The following SORCS2 variants were observed in gnomAD, a reference collection of about 807,000 sequenced individuals.
SORCS2 encodes sortilin related VPS10 domain containing receptor 2, also known as VPS10 domain-containing receptor SorCS2.
A neutral mutation model predicts 141.6 loss-of-function variants in SORCS2; 100 were observed. The ratio of observed to expected loss-of-function variants is 0.71; its 90% CI spans 0.60 to 0.83. The LOEUF (loss-of-function observed/expected upper bound fraction) is 0.83. Ranked by LOEUF, SORCS2 falls within the 40% of genes least tolerant of loss-of-function variation. The probability of loss-of-function intolerance (pLI) is 0.00; values close to 1 mark genes in which losing one functional copy is unlikely to be tolerated. For synonymous variants in SORCS2, 789 were observed against 676.9 expected, an observed-to-expected ratio of 1.17 and a Z score of -2.57; for missense variants, 1,646 against 1,560.2, an observed-to-expected ratio of 1.05 and a Z score of -0.93.
intron 1 of SORCS2, among the ~76,000 whole-genome samples, chr4:7,264,142 C>A (rs930566973): frequency 2.0e-5 from 3 of 152,152 alleles, no homozygotes; most frequent in African/African-American, 7.2e-5. Context: ...GTGGAGACTG[C>A]GGGACTCAGA....
intron 26 of SORCS2, among the ~76,000 whole-genome samples, chr4:7,738,588 A>C (rs1462343703): frequency 1.3e-5 from 2 of 152,020 alleles, no homozygotes; most frequent in Non-Finnish European, 2.9e-5. Context: ...TGGAGCAGAG[A>C]ACGGCACACA....
intron 3 of SORCS2, among the ~76,000 whole-genome samples, chr4:7,611,329 A>C (rs1718391735): frequency 6.6e-6 from 1 of 152,212 alleles, no homozygotes. Flanking sequence ...GACCAGGCTC[A>C]AGTCCTGGCT....
At chr4:7,632,485 C>T (rs999697691) in intron 3 of SORCS2, among the ~76,000 whole-genome samples, 1 of 152,222 alleles carries the variant, frequency 6.6e-6, no homozygotes, top group African/African-American at 2.4e-5. Flanking sequence ...GCACCTTCCT[C>T]TCCCCCGTCT....
At chr4:7,543,429 GTCCATCCATCCACTCATCCATCCA>G (rs1170353807) in intron 3 of SORCS2, among the ~76,000 whole-genome samples, 27 of 85,772 alleles carry the variant, frequency 3.1e-4, no homozygotes, top group African/African-American at 6.8e-4. Context: ...CCATCCATCC[GTCCATCCATCCACTCATCCATCCA>G]TCCATCCATC....
intron 1 of SORCS2, among the ~76,000 whole-genome samples, chr4:7,221,567 C>A (rs541925199): frequency 6.6e-6 from 1 of 152,360 alleles, no homozygotes; most frequent in African/African-American, 2.4e-5. Flanking sequence ...ACAGGGATGT[C>A]GGGTGGAGCA....
chr4:7,245,095 G>C (rs772606943), intron 1 of SORCS2, among the ~76,000 whole-genome samples: 31 of 152,308 alleles, frequency 2.0e-4, no homozygotes, highest in Middle Eastern at 3.4e-3. Flanking sequence ...AACCAATGGG[G>C]TGTGGACAGT....
intron 1 of SORCS2, among the ~76,000 whole-genome samples, chr4:7,302,571 T>C (rs1717502423): frequency 6.6e-6 from 1 of 152,146 alleles, no homozygotes; most frequent in African/African-American, 2.4e-5. Context: ...CCCAGGGCCC[T>C]CCCTGTAGGC....
At chr4:7,379,340 G>A (rs967346287) in intron 1 of SORCS2, among the ~76,000 whole-genome samples, 1 of 152,202 alleles carries the variant, frequency 6.6e-6, no homozygotes, top group Admixed American at 6.5e-5. Flanking sequence ...CTGCCTTGGG[G>A]AGCAAACACA....
intron 1 of SORCS2, among the ~76,000 whole-genome samples, chr4:7,374,827 C>A (rs1029068647): frequency 6.6e-6 from 1 of 152,114 alleles, no homozygotes; most frequent in Admixed American, 6.6e-5. Flanking sequence ...CTGGGTAGAC[C>A]GCGGGTGGGG....
intron 2 of SORCS2, among the ~76,000 whole-genome samples, chr4:7,518,878 G>A (rs1440359615): frequency 2.6e-5 from 4 of 151,634 alleles, no homozygotes; most frequent in African/African-American, 4.9e-5. Context: ...CCGGATCATC[G>A]GACGGCTGCT....
At chr4:7,213,173 G>A (rs1008928488) in intron 1 of SORCS2, among the ~76,000 whole-genome samples, 1 of 152,268 alleles carries the variant, frequency 6.6e-6, no homozygotes, top group African/African-American at 2.4e-5. Context: ...TCTGGCTCAT[G>A]AGTAAACACA....
At chr4:7,490,592 G>A (rs1560328068) in intron 2 of SORCS2, among the ~76,000 whole-genome samples, 1 of 152,168 alleles carries the variant, frequency 6.6e-6, no homozygotes, top group Non-Finnish European at 1.5e-5. Context: ...CAGGGGTGAG[G>A]ATGGCAGACA....
chr4:7,231,883 AC>A (rs757005317), intron 1 of SORCS2, among the ~76,000 whole-genome samples: 1 of 151,776 alleles, frequency 6.6e-6, no homozygotes, highest in Non-Finnish European at 1.5e-5. Flanking sequence ...ATTGGGAGAG[AC>A]CCAGGCTCTC....
chr4:7,636,564 G>T (rs1720270991), intron 3 of SORCS2, among the ~76,000 whole-genome samples: 1 of 152,064 alleles, frequency 6.6e-6, no homozygotes. Flanking sequence ...GGGGCCACCT[G>T]TGAGTGTCTG....
At chr4:7,248,003 G>A (rs1310917058) in intron 1 of SORCS2, among the ~76,000 whole-genome samples, 1 of 152,238 alleles carries the variant, frequency 6.6e-6, no homozygotes, top group Admixed American at 6.5e-5. Context: ...GACAGCCCTG[G>A]GAAGGGGTGT....
chr4:7,505,566 A>G (rs965646116), intron 2 of SORCS2, among the ~76,000 whole-genome samples: 7 of 152,046 alleles, frequency 4.6e-5, no homozygotes, highest in African/African-American at 1.7e-4. Context: ...TCTGCATAAT[A>G]GTGATATTGA....
At chr4:7,539,152 C>G (rs1217382230) in intron 3 of SORCS2, among the ~76,000 whole-genome samples, 2 of 152,188 alleles carry the variant, frequency 1.3e-5, no homozygotes, top group African/African-American at 2.4e-5. Context: ...TCACCACCCC[C>G]CAAAGCCTTC....
intron 2 of SORCS2, among the ~76,000 whole-genome samples, chr4:7,467,434 G>A (rs527514596): frequency 1.3e-5 from 2 of 152,302 alleles, no homozygotes; most frequent in East Asian, 3.9e-4. Context: ...GCGACTGCCA[G>A]GTCACCTTGT....
intron 3 of SORCS2, among the ~76,000 whole-genome samples, chr4:7,612,228 C>T (rs1225406454): frequency 6.6e-6 from 1 of 152,122 alleles, no homozygotes; most frequent in African/African-American, 2.4e-5. Flanking sequence ...TCAGACAGGA[C>T]ACAACAGGAA....
Sources: gnomAD v4.1 joint callset for allele counts (sites outside exome capture counted in the v4.1 genomes callset) on GRCh38, gnomAD v4.1.1 for gene constraint, MANE v1.5 for transcripts, NCBI Gene and HGNC (gene_info 2026-07-23, HGNC 2026-07-21) for gene names.